Variants in GGT1 observed in about 807,000 individuals in gnomAD.
The protein encoded by GGT1 is glutathione hydrolase 1 proenzyme.
GGT1 carries 21 observed loss-of-function variants against 56.0 expected under a neutral mutation model. That is an observed-to-expected ratio of 0.38 (90% CI 0.27 to 0.54). The LOEUF is 0.54. Ranked by LOEUF, GGT1 falls within the 20% of genes least tolerant of loss-of-function variation. The pLI is 0.82. For synonymous variants in GGT1, 238 were observed against 342.6 expected, an observed-to-expected ratio of 0.69 and a Z score of 3.37; for missense variants, 466 against 787.0, an observed-to-expected ratio of 0.59 and a Z score of 4.88.
chr22:24,592,572 C>A (rs920931392), upstream of GGT1: 4 of 464,830 alleles, frequency 8.6e-6, no homozygotes, highest in African/African-American at 6.0e-5. Context: ...TCAACACACA[C>A]AACCCCTCTC....
At chr22:24,589,351 C>A in the GGT1 span, 3 of 1,137,436 alleles carry the variant, frequency 2.6e-6, no homozygotes, top group Non-Finnish European at 2.2e-6. Context: ...TAGGGGAAAG[C>A]AGTGAGCACC....
intron 1 of GGT1, among the ~76,000 whole-genome samples, chr22:24,597,698 C>CA: frequency 6.6e-6 from 1 of 152,042 alleles, no homozygotes; most frequent in Admixed American, 6.6e-5. Flanking sequence ...CACACACACA[C>CA]ACACACACAA....
In GGT1 at chr22:24,605,140, A is replaced by AAG. The variant is rs2045991506; in HGVS notation, c.-429+1613_-429+1614insAG. On this transcript the variant is annotated intron_variant, in intron 1 of 15. Coordinates refer to ENST00000400382, the MANE Select transcript of GGT1 (RefSeq NM_001288833.2). The stretch of plus-strand genomic sequence containing the variant: ...TATATAATATGTAATATATTATATA[A>AAG]TATATAATATGTATTATATTATATA... Among the ~76,000 whole-genome samples, 2 of 23,210 alleles carry AAG rather than the reference A, an allele frequency of 8.6e-5. 1 individual carries two copies. Among genetic ancestry groups the AAG allele is most frequent in the African/African-American group, 3.1e-4 (2 of 6,360 alleles). The allele number at this position is 23,210 out of a possible 152,430, so 15.2% of individuals were successfully genotyped here.
intron 2 of GGT1, 113 bp downstream of exon 2, chr22:24,608,136 G>A (rs1341955522): frequency 2.8e-6 from 1 of 360,018 alleles, no homozygotes; most frequent in African/African-American, 2.2e-5. Flanking sequence ...ACGCTGTTTG[G>A]GTGAGAACCA....
chr22:24,595,187 G>T (rs1324939341), intron 1 of GGT1, among the ~76,000 whole-genome samples: 2 of 152,206 alleles, frequency 1.3e-5, no homozygotes, highest in Non-Finnish European at 2.9e-5. Flanking sequence ...CTGGCCGAGA[G>T]GTTCCTGGAG....
chr22:24,604,208 G>C (rs2045888254), intron 1 of GGT1, among the ~76,000 whole-genome samples: 1 of 146,580 alleles, frequency 6.8e-6, no homozygotes, highest in African/African-American at 2.5e-5. Flanking sequence ...GGGTGGGTGG[G>C]TCCTGGGCTT....
Position 24,620,272 on chromosome 22 carries a change from C to T in GGT1, c.383-56C>T, listed in dbSNP as rs1459059813. 3.1e-5 allele frequency: 49 copies of T among 1,582,944 alleles called. No homozygotes were observed. The highest frequency in any genetic ancestry group is 5.7e-5 in the South Asian group (5 of 87,902). ...GGGACTGTGCCTGGGATGCTGCCTG[C>T]GAGAGATCCCGATGTCCCCCACTCA... is the stretch of plus-strand genomic sequence containing the variant. On this transcript the variant is annotated intron_variant, in intron 7 of 15. Coordinates refer to ENST00000400382, the MANE Select transcript of GGT1 (RefSeq NM_001288833.2). This position sits in a 1 kb window ranked among gnomAD's most constrained non-coding sequence, Gnocchi z 5.6.
chr22:24,620,500 C>T lies in GGT1; in HGVS notation c.555C>T (p.Ile185=), dbSNP rs758450682. The T allele has an allele frequency of 6.8e-6, 11 of 1,611,782 alleles. No homozygotes were observed. The highest frequency in any genetic ancestry group is 2.2e-4 in the Middle Eastern group (1 of 4,452). ...AAALENKRTV[I]EQQPVLCEVF... The stretch of plus-strand genomic sequence containing the variant: ...CCCTGGAAAACAAGCGGACCGTCAT[C>T]GAGCAGCAGCCTGTCTTGTGGTATG... The change falls in exon 8 of 16, where the codon ATC becomes ATT. Residue 185 remains isoleucine (I), a synonymous_variant. Transcript: ENST00000400382. This position sits in a 1 kb window ranked among gnomAD's most constrained non-coding sequence, Gnocchi z 5.6.
At chr22:24,605,996 AAT>A (rs1227473425) in intron 1 of GGT1, among the ~76,000 whole-genome samples, 2 of 60,982 alleles carry the variant, frequency 3.3e-5, no homozygotes, top group Non-Finnish European at 5.7e-5. Flanking sequence ...ATATTTATAT[AAT>A]TTATATAATA....
intron 7 of GGT1, among the ~76,000 whole-genome samples, chr22:24,618,364 G>T (rs919044189): frequency 5.0e-4 from 76 of 152,308 alleles, no homozygotes; most frequent in African/African-American, 1.8e-3. Flanking sequence ...GCTGAGGTGG[G>T]TGGATGACCT....
chr22:24,589,723 C>T, the GGT1 span: 7 of 1,373,794 alleles, frequency 5.1e-6, no homozygotes, highest in East Asian at 7.6e-5. Context: ...CACAGCAAGC[C>T]GCAGAAGGAC....
intron 11 of GGT1, among the ~76,000 whole-genome samples, chr22:24,626,305 C>T (rs1224501581): frequency 1.0e-4 from 14 of 138,768 alleles, no homozygotes; most frequent in South Asian, 4.6e-4. Context: ...TGAGCCACCG[C>T]GCCCGGTGTT....
At chr22:24,615,251 C>T in intron 7 of GGT1, 124 bp downstream of exon 7, 1 of 668,552 alleles carries the variant, frequency 1.5e-6, no homozygotes. Flanking sequence ...CCCATCCCTT[C>T]CTGTCCCCAT....
chr22:24,627,123 C>G (rs1437432437), intron 11 of GGT1: 1 of 678,694 alleles, frequency 1.5e-6, no homozygotes, highest in Non-Finnish European at 2.3e-6. Context: ...GTTGATTCCC[C>G]AGTGCCAGGC....
At chr22:24,613,764 AAAG>A (rs1402520148) in intron 5 of GGT1, among the ~76,000 whole-genome samples, 5 of 133,980 alleles carry the variant, frequency 3.7e-5, no homozygotes, top group African/African-American at 1.9e-4. Context: ...AAAAAAAAAG[AAAG>A]AAAAGAAAAG....
At chr22:24,594,773 G>C (rs1569041329), upstream of GGT1, 1 of 152,326 alleles carries the variant, frequency 6.6e-6, no homozygotes, top group African/African-American at 2.4e-5. Context: ...CCCTCCCCCA[G>C]GGCCAAGGCG....
At chr22:24,610,990 C>T (rs1413351863) in intron 4 of GGT1, 85 bp from the exon 5 acceptor site, 1 of 1,270,346 alleles carries the variant, frequency 7.9e-7, no homozygotes, top group Non-Finnish European at 1.1e-6. Flanking sequence ...TTTCTGAGGC[C>T]CGACTTTAGA....
At position 24,611,068 on chromosome 22, in the gene GGT1, G is replaced by A. The variant is rs1162772048; in HGVS notation, c.-7-7G>A. On this transcript the variant is annotated splice_polypyrimidine_tract_variant and splice_region_variant and intron_variant, in intron 4 of 15. Transcript: ENST00000400382. ...GCCTGACCCTGCTTCTTACCCCGTG[G>A]GTGCAGCAGAGCCATGAAGAAGAAG... The A allele has an allele frequency of 2.5e-6, 4 of 1,597,554 alleles. No individual in the cohort carries two copies. The highest frequency in any genetic ancestry group is 3.4e-6 in the Non-Finnish European group (4 of 1,172,470).
the GGT1 span, among the ~76,000 whole-genome samples, chr22:24,587,452 C>T: frequency 2.6e-5 from 4 of 152,238 alleles, no homozygotes; most frequent in African/African-American, 9.6e-5. Context: ...GGACCCCCAC[C>T]AGCCATGGCA....
Sources: gnomAD v4.1 joint callset for allele counts (sites outside exome capture counted in the v4.1 genomes callset) on GRCh38, gnomAD v4.1.1 for gene constraint, Gnocchi (gnomAD v3.1) non-coding constraint, MANE v1.5 for transcripts, NCBI Gene and HGNC (gene_info 2026-07-23, HGNC 2026-07-21) for gene names.